The following ARHGAP32 variants were observed in gnomAD, a reference collection of about 807,000 sequenced individuals.
The protein encoded by ARHGAP32 is rho GTPase-activating protein 32.
ARHGAP32 carries 51 observed loss-of-function variants against 186.5 expected under a neutral mutation model. The ratio of observed to expected loss-of-function variants is 0.27; its 90% CI spans 0.22 to 0.35. The LOEUF (loss-of-function observed/expected upper bound fraction) is 0.35, where lower values mean the gene tolerates loss of function less well. Ranked by LOEUF, ARHGAP32 falls within the 10% of genes least tolerant of loss-of-function variation. The probability of loss-of-function intolerance (pLI) is 1.00; values close to 1 mark genes in which losing one functional copy is unlikely to be tolerated. For missense variants in ARHGAP32, 2,186 were observed against 2,623.5 expected (o/e 0.83, Z 3.64); for synonymous variants, 950 against 964.3 (o/e 0.99, Z 0.27).
intron 6 of ARHGAP32, among the ~76,000 whole-genome samples, chr11:129,091,887 A>T (rs1399488014): frequency 1.3e-5 from 2 of 152,102 alleles, no homozygotes; most frequent in African/African-American, 4.8e-5. Context: ...GTTATAAAAA[A>T]GTATGATTCT....
At chr11:129,239,072 A>T (rs767745841) in intron 1 of ARHGAP32, among the ~76,000 whole-genome samples, 6 of 151,794 alleles carry the variant, frequency 4.0e-5, no homozygotes, top group Non-Finnish European at 7.4e-5. Flanking sequence ...CTGGTCTCAA[A>T]CCCCTGGGCT....
intron 6 of ARHGAP32, among the ~76,000 whole-genome samples, chr11:129,086,697 T>C (rs1324648810): frequency 9.2e-5 from 14 of 151,742 alleles, no homozygotes; most frequent in Admixed American, 8.5e-4. Flanking sequence ...GGTGGGCGCC[T>C]GTAGTCCCAG....
At chr11:129,158,323 G>A (rs909676264) in intron 2 of ARHGAP32, among the ~76,000 whole-genome samples, 30 of 151,338 alleles carry the variant, frequency 2.0e-4, no homozygotes, top group Non-Finnish European at 5.9e-5. Context: ...GCTGAATTCA[G>A]GAGATTCATC....
At chr11:129,206,197 C>T (rs1944511566) in intron 1 of ARHGAP32, among the ~76,000 whole-genome samples, 1 of 152,050 alleles carries the variant, frequency 6.6e-6, no homozygotes. Flanking sequence ...TTTCCAACTG[C>T]CTTGAACCTT....
At chr11:129,145,847 CAGAATCTTTAGCCAGAGAAGTCAT>C (rs1435932720) in intron 2 of ARHGAP32, among the ~76,000 whole-genome samples, 4 of 152,058 alleles carry the variant, frequency 2.6e-5, no homozygotes, top group Admixed American at 6.5e-5. Flanking sequence ...AGAGAAGTCA[CAGAATCTTTAGCCAGAGAAGTCAT>C]AGAATCTTTA....
intron 1 of ARHGAP32, among the ~76,000 whole-genome samples, chr11:129,262,041 C>T (rs1237690834): frequency 6.6e-6 from 1 of 152,070 alleles, no homozygotes; most frequent in Non-Finnish European, 1.5e-5. Flanking sequence ...CCTTTTAAAA[C>T]ACACAAATTA....
intron 1 of ARHGAP32, among the ~76,000 whole-genome samples, chr11:129,169,639 A>G (rs1943716198): frequency 6.6e-6 from 1 of 151,054 alleles, no homozygotes; most frequent in Admixed American, 6.6e-5. Flanking sequence ...CTCAAAAAAA[A>G]AAAAAAAAAA....
rs11221612 is a variant in ARHGAP32, at chr11:129,226,263, A to C, written c.-5+52883T>G. On this transcript the variant is annotated intron_variant, in intron 1 of 6. Transcript: ENST00000525234. The stretch of plus-strand genomic sequence containing the variant: ...CAAAACCTTTACAACTTTGATGAAA[A>C]GCATTAAAATCTGTATATCCAAAAC... Among the ~76,000 whole-genome samples the C allele has an allele frequency of 6.3e-3, 960 of 152,274 alleles. 7 individuals carry two copies. Among genetic ancestry groups the C allele is most frequent in the African/African-American group, 0.022 (908 of 41,568 alleles).
At chr11:129,209,122 A>G (rs1045541967) in intron 1 of ARHGAP32, among the ~76,000 whole-genome samples, 3 of 152,178 alleles carry the variant, frequency 2.0e-5, no homozygotes, top group Admixed American at 6.6e-5. Context: ...CTCTGCCCCA[A>G]AACAGTTCGA....
intron 1 of ARHGAP32, among the ~76,000 whole-genome samples, chr11:129,245,019 A>C (rs1314277682): frequency 1.3e-5 from 2 of 151,936 alleles, no homozygotes; most frequent in South Asian, 4.2e-4. Context: ...AACTAGTTCA[A>C]CCATTGTGGA....
chr11:129,269,665 TACA>T (rs1479274883), intron 1 of ARHGAP32, among the ~76,000 whole-genome samples: 2 of 152,144 alleles, frequency 1.3e-5, no homozygotes, highest in African/African-American at 4.8e-5. Context: ...AGTTCGAGGT[TACA>T]ACGAGCTATG....
chr11:129,168,221 G>C (rs1943678644), intron 1 of ARHGAP32, among the ~76,000 whole-genome samples: 1 of 152,154 alleles, frequency 6.6e-6, no homozygotes, highest in South Asian at 2.1e-4. Context: ...ACTCCAGCCT[G>C]GGTGACAGAA....
At chr11:129,221,529 GTGTGTTTA>G (rs1944711435) in intron 1 of ARHGAP32, among the ~76,000 whole-genome samples, 2 of 83,920 alleles carry the variant, frequency 2.4e-5, no homozygotes, top group Middle Eastern at 5.6e-3. Flanking sequence ...GTGTGTGTGT[GTGTGTTTA>G]TGGTAAAAAT....
upstream of ARHGAP32, among the ~76,000 whole-genome samples, chr11:129,193,694 T>C (rs1238235341): frequency 6.6e-5 from 2 of 30,270 alleles, no homozygotes; most frequent in African/African-American, 2.7e-4. Flanking sequence ...ATATATTATA[T>C]AATATATAAT....
intron 1 of ARHGAP32, among the ~76,000 whole-genome samples, chr11:129,222,555 A>T (rs1192266691): frequency 1.3e-5 from 2 of 152,222 alleles, no homozygotes; most frequent in Admixed American, 6.5e-5. Flanking sequence ...GAAAGGTTAT[A>T]TCCAGGGAAT....
chr11:129,212,129 T>C (rs1393275914), intron 1 of ARHGAP32, among the ~76,000 whole-genome samples: 1 of 152,052 alleles, frequency 6.6e-6, no homozygotes, highest in African/African-American at 2.4e-5. Context: ...CACTCCAGCC[T>C]GGGTGACAGA....
intron 11 of ARHGAP32, among the ~76,000 whole-genome samples, chr11:129,002,877 C>T (rs1428604115): frequency 2.2e-5 from 3 of 136,520 alleles, no homozygotes; most frequent in East Asian, 2.2e-4. Context: ...GGCGCGATCT[C>T]GGCTCACTGC....
At chr11:129,079,250 C>T (rs1941148820) in intron 6 of ARHGAP32, among the ~76,000 whole-genome samples, 1 of 152,126 alleles carries the variant, frequency 6.6e-6, no homozygotes, top group South Asian at 2.1e-4. Context: ...CAAACATAAG[C>T]TCAAAGAACA....
chr11:129,096,438 T>C (rs1941730557), intron 5 of ARHGAP32, among the ~76,000 whole-genome samples: 1 of 152,160 alleles, frequency 6.6e-6, no homozygotes, highest in Non-Finnish European at 1.5e-5. Context: ...GAAGGCCTGC[T>C]ACTTCCAAGG....
Sources: allele counts gnomAD v4.1 joint callset (sites outside exome capture counted in the v4.1 genomes callset), GRCh38; gene constraint gnomAD v4.1.1; transcripts MANE v1.5; gene names NCBI Gene and HGNC (gene_info 2026-07-23, HGNC 2026-07-21).